The following RASGEF1B variants were observed in gnomAD, a reference collection of about 807,000 sequenced individuals.
The protein encoded by RASGEF1B is ras-GEF domain-containing family member 1B.
Under a neutral mutation model 65.7 loss-of-function variants are expected in RASGEF1B, and 30 were observed. The observed-to-expected ratio is 0.46, with a 90% confidence interval of 0.34 to 0.62. RASGEF1B has a LOEUF of 0.62. Ranked by LOEUF, RASGEF1B falls within the 20% of genes least tolerant of loss-of-function variation. The pLI, the probability that RASGEF1B is intolerant of heterozygous loss-of-function variation, is 0.01. For missense variants in RASGEF1B, 495 were observed against 580.1 expected (o/e 0.85, Z 1.51); for synonymous variants, 175 against 194.8 (o/e 0.90, Z 0.85).
chr4:81,466,768 AAAAAAG>A (rs1722831076), intron 1 of RASGEF1B, among the ~76,000 whole-genome samples: 3 of 136,186 alleles, frequency 2.2e-5, no homozygotes, highest in Admixed American at 7.4e-5. Context: ...CAAAAAAAAA[AAAAAAG>A]AAAGAAAGAA....
At chr4:81,430,959 T>C (rs1420029463) in intron 13 of RASGEF1B, among the ~76,000 whole-genome samples, 1 of 152,046 alleles carries the variant, frequency 6.6e-6, no homozygotes, top group East Asian at 1.9e-4. Flanking sequence ...ACAAGAAAAG[T>C]AACAAAAGCT....
intron 1 of RASGEF1B, among the ~76,000 whole-genome samples, chr4:81,459,827 T>A (rs1722580206): frequency 6.6e-6 from 1 of 152,182 alleles, no homozygotes; most frequent in African/African-American, 2.4e-5. Context: ...CATCAGATTG[T>A]GAAAGGGGCA....
intron 1 of RASGEF1B, among the ~76,000 whole-genome samples, chr4:81,468,684 T>TA (rs1226464361): frequency 6.6e-6 from 1 of 152,128 alleles, no homozygotes; most frequent in Non-Finnish European, 1.5e-5. Flanking sequence ...AATTCATAAA[T>TA]AAAAAAGAAA....
At chr4:81,428,212 G>A (rs1185893133) in intron 13 of RASGEF1B, among the ~76,000 whole-genome samples, 1 of 152,130 alleles carries the variant, frequency 6.6e-6, no homozygotes, top group East Asian at 1.9e-4. Flanking sequence ...GGTGTCTGCC[G>A]TCAGAGGTGT....
intron 10 of RASGEF1B, among the ~76,000 whole-genome samples, chr4:81,435,631 G>T (rs529511818): frequency 6.7e-6 from 1 of 148,806 alleles, no homozygotes; most frequent in African/African-American, 2.5e-5. Context: ...ATCATGCCCG[G>T]CTAATTTTTT....
chr4:81,465,969 G>A (rs992039800), intron 1 of RASGEF1B, among the ~76,000 whole-genome samples: 1 of 152,178 alleles, frequency 6.6e-6, no homozygotes, highest in African/African-American at 2.4e-5. Context: ...TACATACAGT[G>A]CTTTGGTGAA....
intron 12 of RASGEF1B, 136 bp downstream of exon 12, chr4:81,433,704 G>A (rs992456818): frequency 2.5e-6 from 2 of 809,870 alleles, no homozygotes; most frequent in Non-Finnish European, 3.8e-6. Flanking sequence ...CATTTTCTGT[G>A]AAACAGAAAA....
Position 81,461,443 on chromosome 4 carries a change from C to G in RASGEF1B, c.-6-1929G>C, listed in dbSNP as rs572139314. On this transcript the variant is annotated intron_variant, in intron 1 of 13. Coordinates refer to ENST00000264400, the MANE Select transcript of RASGEF1B (RefSeq NM_152545.3). ...CCTTGGAATTGGGATTTTTTTCTTT[C>G]AGGAACCACACATTTTCCTTCATTG... Among the ~76,000 whole-genome samples the G allele has an allele frequency of 8.5e-5, 13 of 152,260 alleles. No homozygotes were observed. The South Asian group carries it at 2.7e-3, about 32-fold the overall frequency.
intron 1 of RASGEF1B, 101 bp from the exon 2 acceptor site, chr4:81,459,615 AT>A: frequency 1.1e-6 from 1 of 888,198 alleles, no homozygotes; most frequent in South Asian, 2.1e-5. Context: ...TAACGAGAGA[AT>A]AGGCAATTAA....
In RASGEF1B at chr4:81,441,740, G is replaced by A. The variant is rs959182606; in HGVS notation, c.1008+557C>T. ...GTATTTTTTATAGAGGTGGGGTTTC[G>A]CCATGTTGCCCAGGCTGGTCCTGAA... On this transcript the variant is annotated intron_variant, in intron 9 of 13. Transcript: ENST00000264400. 2.6e-5 allele frequency among the ~76,000 whole-genome samples: 4 copies of A among 151,738 alleles called. No homozygotes were observed. The South Asian group carries it at 6.3e-4, about 24-fold the overall frequency.
chr4:81,431,024 G>T (rs1370022762), intron 13 of RASGEF1B, among the ~76,000 whole-genome samples: 1 of 151,842 alleles, frequency 6.6e-6, no homozygotes, highest in African/African-American at 2.4e-5. Flanking sequence ...ACAGAAAGGA[G>T]GGATTAAAAA....
chr4:81,447,787 G>A (rs1045494039), intron 5 of RASGEF1B, among the ~76,000 whole-genome samples: 1 of 152,140 alleles, frequency 6.6e-6, no homozygotes, highest in Non-Finnish European at 1.5e-5. Flanking sequence ...GTGAAAGGCT[G>A]AGCAGGTTTT....
rs1553947088 is a variant in RASGEF1B, at chr4:81,466,770, A to AAGAAAG, written c.-7+4999_-7+5000insCTTTCT. Among the ~76,000 whole-genome samples the AAGAAAG allele has an allele frequency of 3.9e-3, 141 of 36,080 alleles. 1 individual carries two copies. The highest frequency in any genetic ancestry group is 6.1e-3 in the Non-Finnish European group (114 of 18,726). 23.7% of individuals were successfully genotyped at this position (36,080 alleles called of 152,430 possible). A position where few individuals can be genotyped will look rare whatever the true frequency, so the allele number is the denominator to read the frequency against. On this transcript the variant is annotated intron_variant, in intron 1 of 13. Transcript: ENST00000264400. ...CAAGCCTCCATGTCAAAAAAAAAAA[A>AAGAAAG]AAAGAAAGAAAGAAAGAAAGAAAGA...
At chr4:81,444,361 A>G (rs2109977415) in intron 8 of RASGEF1B, among the ~76,000 whole-genome samples, 1 of 152,330 alleles carries the variant, frequency 6.6e-6, no homozygotes, top group East Asian at 1.9e-4. Context: ...CAGAAAAATA[A>G]TAAGCTGAGA....
intron 4 of RASGEF1B, chr4:81,451,821 T>C (rs1490054047): frequency 6.6e-6 from 1 of 152,252 alleles, no homozygotes; most frequent in Non-Finnish European, 1.5e-5. Context: ...ATGCATGTTA[T>C]CATTCCTACA....
At chr4:81,457,645 C>A (rs749500405) in intron 2 of RASGEF1B, 24 bp from the exon 3 acceptor site, 8 of 1,610,654 alleles carry the variant, frequency 5.0e-6, no homozygotes, top group Non-Finnish European at 6.8e-6. Context: ...AAAAAGTCAT[C>A]ATCGTTACAT....
intron 12 of RASGEF1B, among the ~76,000 whole-genome samples, chr4:81,433,052 GAAA>G (rs766242934): frequency 1.9e-5 from 2 of 106,132 alleles, no homozygotes; most frequent in African/African-American, 3.6e-5. Context: ...GTCTCTACAA[GAAA>G]AAAAAAAAAA....
intron 1 of RASGEF1B, among the ~76,000 whole-genome samples, chr4:81,466,784 A>G (rs1309665654): frequency 6.9e-6 from 1 of 145,206 alleles, no homozygotes; most frequent in African/African-American, 2.6e-5. Flanking sequence ...GAAAGAAAGA[A>G]AGAAAGAAAG....
In RASGEF1B at chr4:81,434,679, C is replaced by T; in HGVS notation, c.1160G>A (p.Gly387Asp). ...GCCATTGGGAAGGCGGTTGGCACAA[C>T]CCTCATTGAGGAAATAAATATCTTT... The part of the protein sequence containing the change: ...LIKDIYFLNE[G>D]CANRLPNGHV... Residue 387 changes from glycine to aspartate, a missense_variant, in exon 11 of 14, where the codon GGT becomes GAT. Coordinates refer to ENST00000264400, the MANE Select transcript of RASGEF1B (RefSeq NM_152545.3). 1.2e-6 allele frequency: 2 copies of T among 1,607,474 alleles called. No individual in the cohort carries two copies. Among genetic ancestry groups the T allele is most frequent in the Non-Finnish European group, 1.7e-6 (2 of 1,174,110 alleles).
Sources: gnomAD v4.1 joint callset for allele counts (sites outside exome capture counted in the v4.1 genomes callset) on GRCh38, gnomAD v4.1.1 for gene constraint, MANE v1.5 for transcripts, NCBI Gene and HGNC (gene_info 2026-07-23, HGNC 2026-07-21) for gene names.